Variants in GSAP observed in about 807,000 individuals in gnomAD.
GSAP encodes gamma-secretase activating protein.
A neutral mutation model predicts 131.7 loss-of-function variants in GSAP; 118 were observed. The observed-to-expected ratio is 0.90, with a 90% CI of 0.77 to 1.04. GSAP has a LOEUF of 1.04. GSAP is among the 50% of genes least tolerant of loss of function. GSAP has a pLI of 0.00. For synonymous variants in GSAP, 381 were observed against 363.4 expected, an observed-to-expected ratio of 1.05 and a Z score of -0.55; for missense variants, 1,019 against 1,013.2, an observed-to-expected ratio of 1.01 and a Z score of -0.08.
chr7:77,355,276 C>G lies in GSAP; in HGVS notation c.1275G>C (p.Glu425Asp), dbSNP rs763683429. The change falls in exon 16 of 31, where the codon GAG (glutamate) becomes GAC (aspartate). Residue 425 changes from glutamate (E) to aspartate (D), a missense_variant. Physicochemically the swap from Glu to Asp is conservative, Grantham distance 45 (BLOSUM62 2). Coordinates refer to ENST00000257626, the MANE Select transcript of GSAP (RefSeq NM_017439.4). ...GCGCGCAGTGCAACGCAGCCATCTT[C>G]TCACAGTCTAAGCAAGTGTTCTGCA... ...QLLQNTCLDC[E>D]KMAALHCALY... 6.2e-6 allele frequency: 10 copies of G among 1,614,124 alleles called. No homozygotes were observed. The highest frequency in any genetic ancestry group is 6.8e-6 in the Non-Finnish European group (8 of 1,179,986).
intron 1 of GSAP, among the ~76,000 whole-genome samples, chr7:77,409,033 T>G (rs562708278): frequency 6.6e-6 from 1 of 152,282 alleles, no homozygotes; most frequent in South Asian, 2.1e-4. Flanking sequence ...GTGGGTCTCC[T>G]AGGGGCAGGG....
chr7:77,313,559 A>C lies in GSAP; in HGVS notation c.2210-10T>G, dbSNP rs1285613931. ...TCTGTATTATCCAGATCTACAAGAA[A>C]GTTAGAGATTAGCAAATGAAACAAA... On this transcript the variant is annotated splice_polypyrimidine_tract_variant and intron_variant, in intron 27 of 30. Transcript: ENST00000257626. The C allele has an allele frequency of 7.2e-7, 1 of 1,384,714 alleles. No homozygotes were observed. The highest frequency in any genetic ancestry group is 1.0e-6 in the Non-Finnish European group (1 of 979,648). The allele number at this position is 1,384,714 out of a possible 1,614,324, so 85.8% of individuals were successfully genotyped here. A position where few individuals can be genotyped will look rare whatever the true frequency, so the allele number is the denominator to read the frequency against.
chr7:77,311,321 TA>T lies in GSAP; in HGVS notation c.*36del. On this transcript the variant is annotated 3_prime_UTR_variant, in exon 31 of 31. Coordinates refer to ENST00000257626, the MANE Select transcript of GSAP (RefSeq NM_017439.4). ...AAGGAGTAAGGTTAATGAGCAAGATTAAAATGGCAGCAGCAGATCCAATTGC... is the reference window on the plus strand; with the variant it reads ...AAGGAGTAAGGTTAATGAGCAAGATTAAATGGCAGCAGCAGATCCAATTGC... 3.4e-6 allele frequency: 4 copies of T among 1,174,988 alleles called. No individual in the cohort carries two copies. The highest frequency in any genetic ancestry group is 5.1e-6 in the Non-Finnish European group (4 of 781,478). The allele number at this position is 1,174,988 out of a possible 1,614,324, so 72.8% of individuals were successfully genotyped here.
At chr7:77,367,213 C>G (rs1375830293) in intron 12 of GSAP, among the ~76,000 whole-genome samples, 1 of 152,018 alleles carries the variant, frequency 6.6e-6, no homozygotes, top group Non-Finnish European at 1.5e-5. Flanking sequence ...TGCTCTCTTG[C>G]CTGATTGCTC....
intron 8 of GSAP, among the ~76,000 whole-genome samples, chr7:77,379,133 T>C (rs890279449): frequency 6.6e-6 from 1 of 152,110 alleles, no homozygotes; most frequent in East Asian, 1.9e-4. Context: ...TTCTGAAATT[T>C]GTTGAGTTGG....
In GSAP at chr7:77,331,228, G is replaced by A. The variant is rs563006805; in HGVS notation, c.1546-861C>T. On this transcript the variant is annotated intron_variant, in intron 19 of 30. Coordinates refer to ENST00000257626, the MANE Select transcript of GSAP (RefSeq NM_017439.4). ...AGGCAGGAGAGTGGCATGAACCCAG[G>A]AAGTGGAGCTAGCAGTGAGCTGAGA... 5.9e-5 allele frequency among the ~76,000 whole-genome samples: 9 copies of A among 152,320 alleles called. No individual in the cohort carries two copies. In the East Asian group the frequency reaches 1.7e-3, roughly 29 times the overall value.
At chr7:77,411,892 G>C (rs556968410) in intron 1 of GSAP, among the ~76,000 whole-genome samples, 1 of 152,140 alleles carries the variant, frequency 6.6e-6, no homozygotes, top group Non-Finnish European at 1.5e-5. Context: ...TTAAGATGTT[G>C]TCATGGCCGG....
chr7:77,355,491 T>C (rs1793540695), intron 15 of GSAP, 61 bp from the exon 16 acceptor site: 2 of 1,500,458 alleles, frequency 1.3e-6, no homozygotes, highest in African/African-American at 1.4e-5. Flanking sequence ...CACCCAAACA[T>C]AGATATTAAA....
At chr7:77,402,305 T>C (rs1322304856) in intron 3 of GSAP, among the ~76,000 whole-genome samples, 3 of 149,878 alleles carry the variant, frequency 2.0e-5, no homozygotes, top group Non-Finnish European at 4.4e-5. Flanking sequence ...TCTCAGCACT[T>C]TGGGGCTGAG....
chr7:77,334,409 A>C (rs977150222), intron 19 of GSAP, among the ~76,000 whole-genome samples: 1 of 151,536 alleles, frequency 6.6e-6, no homozygotes, highest in Admixed American at 6.6e-5. Flanking sequence ...AACAACACAC[A>C]CTGGGGCCTG....
intron 12 of GSAP, among the ~76,000 whole-genome samples, chr7:77,364,056 CTT>C (rs939114270): frequency 2.0e-5 from 3 of 152,044 alleles, no homozygotes; most frequent in Admixed American, 6.6e-5. Flanking sequence ...AAAAAAAAGA[CTT>C]TAGATTCTCT....
intron 6 of GSAP, among the ~76,000 whole-genome samples, chr7:77,387,074 A>G (rs1563090232): frequency 6.6e-6 from 1 of 152,238 alleles, no homozygotes; most frequent in Non-Finnish European, 1.5e-5. Flanking sequence ...ATGCAAATAC[A>G]TTATATTGAC....
At chr7:77,343,642 T>C (rs1171117843) in intron 19 of GSAP, among the ~76,000 whole-genome samples, 1 of 152,344 alleles carries the variant, frequency 6.6e-6, no homozygotes, top group African/African-American at 2.4e-5. Flanking sequence ...TTCCAATTTC[T>C]GTCCCTCACT....
chr7:77,348,857 CAAAA>C (rs1792303080), intron 19 of GSAP, among the ~76,000 whole-genome samples: 1 of 152,126 alleles, frequency 6.6e-6, no homozygotes, highest in African/African-American at 2.4e-5. Context: ...TCCTGAGAAA[CAAAA>C]AAGCTGTTTT....
intron 12 of GSAP, among the ~76,000 whole-genome samples, chr7:77,373,278 G>T (rs373348663): frequency 4.6e-5 from 7 of 152,088 alleles, no homozygotes; most frequent in South Asian, 2.1e-4. Context: ...TAAAGATTAG[G>T]GCAGTTTTAC....
chr7:77,402,616 A>AGAAAAAAAAAAAAAAAAAAAAAAAAAAAT (rs1801554179), intron 3 of GSAP, among the ~76,000 whole-genome samples: 1 of 80,422 alleles, frequency 1.2e-5, no homozygotes, highest in African/African-American at 3.8e-5. Flanking sequence ...AAAAAAAAAA[A>AGAAAAAAAAAAAAAAAAAAAAAAAAAAAT]GAATTTTAAA....
rs759012113 is a variant in GSAP, at chr7:77,377,237, T to TGTAAAAAAAAA, written c.681+48_681+49insTTTTTTTTTAC. 6.7e-6 allele frequency: 6 copies of TGTAAAAAAAAA among 894,480 alleles called. No homozygotes were observed. The African/African-American group carries it at 7.8e-5, about 12-fold the overall frequency. The allele number at this position is 894,480 out of a possible 1,614,324, so 55.4% of individuals were successfully genotyped here. On this transcript the variant is annotated intron_variant, in intron 9 of 30. Coordinates refer to ENST00000257626, the MANE Select transcript of GSAP (RefSeq NM_017439.4). Reference sequence around the variant, plus strand: ...GTCTCTAAAAAAATTAATATTTTTGTAAAAAAAAAAAAAAAAAAAAAGGAG... The same window carrying TGTAAAAAAAAA: ...GTCTCTAAAAAAATTAATATTTTTGTGTAAAAAAAAAAAAAAAAAAAAAAAAAAAAAAGGAG...
At chr7:77,415,261 C>A (rs1804145233) in intron 1 of GSAP, among the ~76,000 whole-genome samples, 1 of 152,156 alleles carries the variant, frequency 6.6e-6, no homozygotes, top group South Asian at 2.1e-4. Flanking sequence ...AAAACTTTCA[C>A]CAGCGTTTAA....
intron 9 of GSAP, 125 bp downstream of exon 9, chr7:77,377,157 CAGTG>C: frequency 1.9e-6 from 2 of 1,061,448 alleles, no homozygotes; most frequent in Non-Finnish European, 2.5e-6. Context: ...TTCAAGGCTG[CAGTG>C]AGCTATGATC....
Sources: allele counts gnomAD v4.1 joint callset (sites outside exome capture counted in the v4.1 genomes callset), GRCh38; gene constraint gnomAD v4.1.1; transcripts MANE v1.5; gene names NCBI Gene and HGNC (gene_info 2026-07-23, HGNC 2026-07-21).